The following NAMPT variants were observed in gnomAD, a reference collection of about 807,000 sequenced individuals.
NAMPT encodes the protein nicotinamide phosphoribosyltransferase, also known as NAmPRTase.
A neutral mutation model predicts 58.7 loss-of-function variants in NAMPT; 7 were observed. The observed-to-expected ratio is 0.12, with a 90% confidence interval of 0.07 to 0.22. The LOEUF (loss-of-function observed/expected upper bound fraction) is 0.22, where lower values mean the gene tolerates loss of function less well. Among genes scored for constraint, NAMPT ranks in the 10% least tolerant of loss-of-function variants. The probability of loss-of-function intolerance (pLI) is 1.00; values close to 1 mark genes in which losing one functional copy is unlikely to be tolerated. For synonymous variants in NAMPT, 145 were observed against 198.1 expected (o/e 0.73, Z 2.25); for missense variants, 271 against 567.9 (o/e 0.48, Z 5.31).
chr7:106,269,031 T>C, intron 5 of NAMPT, 123 bp downstream of exon 5: 1 of 858,150 alleles, frequency 1.2e-6, no homozygotes, highest in Non-Finnish European at 1.8e-6. Flanking sequence ...AATATGTATC[T>C]GTTGGTTGAA....
At position 106,249,774 on chromosome 7, in the gene NAMPT, A is replaced by T. The variant is rs964530828; in HGVS notation, c.*1309T>A. On this transcript the variant is annotated 3_prime_UTR_variant, in exon 11 of 11. Coordinates refer to ENST00000222553, the MANE Select transcript of NAMPT (RefSeq NM_005746.3). ...TTGGCCTTTGGGCTATAGTTGGCCA[A>T]CCGCTGCCTCAGAAGAACAGATCTA... The T allele has an allele frequency of 2.8e-4, 42 of 152,048 alleles. No homozygotes were observed. The highest frequency in any genetic ancestry group is 9.9e-4 in the African/African-American group (41 of 41,418). The allele number at this position is 152,048 out of a possible 1,614,324, so 9.4% of individuals were successfully genotyped here.
At chr7:106,282,498 CCTTA>C (rs1199242535) in intron 1 of NAMPT, among the ~76,000 whole-genome samples, 1 of 152,200 alleles carries the variant, frequency 6.6e-6, no homozygotes, top group African/African-American at 2.4e-5. Context: ...TAAACGGTGT[CCTTA>C]CTTCTAACAA....
intron 1 of NAMPT, among the ~76,000 whole-genome samples, chr7:106,281,450 A>G (rs1386499768): frequency 6.6e-6 from 1 of 152,188 alleles, no homozygotes; most frequent in African/African-American, 2.4e-5. Flanking sequence ...TCACAAGTCA[A>G]CATTTAAAAA....
intron 6 of NAMPT, among the ~76,000 whole-genome samples, chr7:106,266,105 C>T (rs1411948451): frequency 1.3e-5 from 2 of 152,182 alleles, no homozygotes; most frequent in East Asian, 3.8e-4. Flanking sequence ...CCCACTATGT[C>T]AGCCGGAAGG....
Position 106,274,991 on chromosome 7 carries a change from G to A in NAMPT, c.273C>T (p.Phe91=), listed in dbSNP as rs776827859. ...QEAKDVYKEH[F]QDDVFNEKGW... Reference sequence around the variant, plus strand: ...CCTTTTCATTAAAGACATCATCTTGGAAATGTTCTTTGTAGACATCTTTGG... The same window carrying A: ...CCTTTTCATTAAAGACATCATCTTGAAAATGTTCTTTGTAGACATCTTTGG... The change falls in exon 3 of 11, where the codon TTC becomes TTT. Residue 91 remains phenylalanine, a synonymous_variant. Transcript: ENST00000222553. The A allele has an allele frequency of 4.3e-6, 7 of 1,612,122 alleles. No homozygotes were observed. The South Asian group carries it at 5.5e-5, about 13-fold the overall frequency.
chr7:106,257,200 C>CA (rs1792216753), intron 8 of NAMPT, among the ~76,000 whole-genome samples: 1 of 151,556 alleles, frequency 6.6e-6, no homozygotes, highest in South Asian at 2.1e-4. Context: ...TGCATTAACA[C>CA]AAAACGATTC....
At chr7:106,266,455 C>T (rs1326943300) in intron 6 of NAMPT, among the ~76,000 whole-genome samples, 2 of 152,170 alleles carry the variant, frequency 1.3e-5, no homozygotes, top group East Asian at 3.8e-4. Context: ...CTAAAAATAA[C>T]TCTTAAAACT....
At chr7:106,259,077 C>T (rs972598040) in intron 8 of NAMPT, among the ~76,000 whole-genome samples, 1 of 152,300 alleles carries the variant, frequency 6.6e-6, no homozygotes, top group African/African-American at 2.4e-5. Context: ...GTCATTTCAA[C>T]GATGTTCACA....
At position 106,281,789 on chromosome 7, in the gene NAMPT, A is replaced by T. The variant is rs184510587; in HGVS notation, c.57+3039T>A. Among the ~76,000 whole-genome samples, 6 of 152,264 alleles carry T rather than the reference A, an allele frequency of 3.9e-5. No homozygotes were observed. In the East Asian group the frequency reaches 9.6e-4, roughly 24 times the overall value. ...ATTTGGGGAAGGAGAGAAATTGCAA[A>T]ATCACCTATAATCATATTGCCTCTT... is the stretch of plus-strand genomic sequence containing the variant. On this transcript the variant is annotated intron_variant, in intron 1 of 10. Coordinates refer to ENST00000222553, the MANE Select transcript of NAMPT (RefSeq NM_005746.3).
intron 9 of NAMPT, 139 bp downstream of exon 9, chr7:106,254,225 T>A: frequency 1.2e-6 from 1 of 845,100 alleles, no homozygotes; most frequent in South Asian, 1.9e-5. Flanking sequence ...TCCTTGTTTC[T>A]GAGTTAAGGT....
chr7:106,266,252 AC>A (rs1792405642), intron 6 of NAMPT, among the ~76,000 whole-genome samples: 2 of 152,224 alleles, frequency 1.3e-5, no homozygotes, highest in African/African-American at 4.8e-5. Context: ...TCAATATGAG[AC>A]CATAAAAATA....
rs1792090749 is a variant in NAMPT at position 106,250,624 on chromosome 7, GAA to G, written c.*457_*458del. On this transcript the variant is annotated 3_prime_UTR_variant, in exon 11 of 11. Coordinates refer to ENST00000222553, the MANE Select transcript of NAMPT (RefSeq NM_005746.3). ...GTAATTTATTTTCAAGTATTTTCTTGAAAGTCTGTGCTCATAAAAATCATGAA... is the reference window on the plus strand; with the variant it reads ...GTAATTTATTTTCAAGTATTTTCTTGAGTCTGTGCTCATAAAAATCATGAA... 2.0e-5 allele frequency: 3 copies of G among 153,460 alleles called. No homozygotes were observed. In the Admixed American group the frequency reaches 2.0e-4, roughly 10 times the overall value. The allele number at this position is 153,460 out of a possible 1,614,324, so 9.5% of individuals were successfully genotyped here.
At chr7:106,285,405 G>T, upstream of NAMPT, 1 of 500,924 alleles carries the variant, frequency 2.0e-6, no homozygotes, top group Non-Finnish European at 2.6e-6. Flanking sequence ...GAGCCGGTTC[G>T]CCCGCCCCGC....
chr7:106,267,700 G>A (rs1461422821), intron 6 of NAMPT, among the ~76,000 whole-genome samples: 1 of 150,254 alleles, frequency 6.7e-6, no homozygotes, highest in Non-Finnish European at 1.5e-5. Flanking sequence ...AATTAGCCGG[G>A]CGTAGTGGCG....
intron 8 of NAMPT, among the ~76,000 whole-genome samples, chr7:106,258,444 G>A (rs1792248125): frequency 6.6e-6 from 1 of 152,180 alleles, no homozygotes; most frequent in Non-Finnish European, 1.5e-5. Flanking sequence ...AATGTCAGTG[G>A]TTTCTGAATG....
chr7:106,274,816 C>T (rs1005133247), intron 3 of NAMPT, 130 bp downstream of exon 3: 6 of 608,616 alleles, frequency 9.9e-6, no homozygotes, highest in East Asian at 3.0e-5. Context: ...GATTGTGCCA[C>T]TGCACTCCAG....
chr7:106,256,642 A>G (rs767689356), intron 8 of NAMPT, among the ~76,000 whole-genome samples: 6 of 152,202 alleles, frequency 3.9e-5, no homozygotes, highest in Non-Finnish European at 5.9e-5. Flanking sequence ...GATATTCAAC[A>G]CTTTACTATA....
chr7:106,254,660 C>T (rs1484222369), intron 8 of NAMPT, among the ~76,000 whole-genome samples, 156 bp from the exon 9 acceptor site: 1 of 152,112 alleles, frequency 6.6e-6, no homozygotes, highest in African/African-American at 2.4e-5. Context: ...TTTAAAGACC[C>T]ACCCACCCCC....
At chr7:106,269,858 A>C (rs1792498842) in intron 4 of NAMPT, among the ~76,000 whole-genome samples, 1 of 152,192 alleles carries the variant, frequency 6.6e-6, no homozygotes, top group Non-Finnish European at 1.5e-5. Flanking sequence ...TCTCAGATCT[A>C]ATTTTCTCTT....
Sources: allele counts gnomAD v4.1 joint callset (sites outside exome capture counted in the v4.1 genomes callset), GRCh38; gene constraint gnomAD v4.1.1; transcripts MANE v1.5; gene names NCBI Gene and HGNC (gene_info 2026-07-23, HGNC 2026-07-21).